The following RAP1A variants were observed in gnomAD, a reference collection of about 807,000 sequenced individuals.
RAP1A encodes the protein RAP1A, member of RAS oncogene family.
Under a neutral mutation model 26.4 loss-of-function variants are expected in RAP1A, and 6 were observed. The observed-to-expected ratio is 0.23, with a 90% CI of 0.12 to 0.45. RAP1A has a LOEUF of 0.45. Ranked by LOEUF, RAP1A falls within the 20% of genes least tolerant of loss-of-function variation. RAP1A has a pLI of 0.99. For synonymous variants in RAP1A, 73 were observed against 79.4 expected, an observed-to-expected ratio of 0.92 and a Z score of 0.43; for missense variants, 121 against 217.2, an observed-to-expected ratio of 0.56 and a Z score of 2.78.
At chr1:111,549,649 C>CAAAAA (rs370585012) in intron 1 of RAP1A, among the ~76,000 whole-genome samples, 1 of 94,448 alleles carries the variant, frequency 1.1e-5, no homozygotes, top group South Asian at 3.5e-4. Context: ...GACTCTGTTT[C>CAAAAA]AAAAAAAAAA....
At chr1:111,655,666 T>TTC (rs1660432601) in intron 1 of RAP1A, among the ~76,000 whole-genome samples, 1 of 104,322 alleles carries the variant, frequency 9.6e-6, no homozygotes, top group African/African-American at 3.0e-5. Flanking sequence ...GTCTTTTTTT[T>TTC]TTTTTTTTTT....
chr1:111,697,186 CAAAT>C (rs1265431104), intron 3 of RAP1A, among the ~76,000 whole-genome samples: 2 of 152,002 alleles, frequency 1.3e-5, no homozygotes, highest in Non-Finnish European at 2.9e-5. Context: ...TTTCTAATAA[CAAAT>C]AAGAATCGTT....
chr1:111,572,348 G>C (rs1001495063), intron 1 of RAP1A, among the ~76,000 whole-genome samples: 1 of 152,250 alleles, frequency 6.6e-6, no homozygotes, highest in Non-Finnish European at 1.5e-5. Context: ...GTGAATTGAA[G>C]CTGAGATTAA....
intron 1 of RAP1A, among the ~76,000 whole-genome samples, chr1:111,545,774 A>T (rs1657013258): frequency 6.6e-6 from 1 of 152,032 alleles, no homozygotes; most frequent in Admixed American, 6.5e-5. Context: ...TAGTTATTTG[A>T]TCGATTTTTA....
chr1:111,605,254 C>T (rs980410327), intron 1 of RAP1A, among the ~76,000 whole-genome samples: 1 of 152,230 alleles, frequency 6.6e-6, no homozygotes, highest in Admixed American at 6.5e-5. Flanking sequence ...CCGATTACCA[C>T]TTGCCAATGC....
Position 111,659,617 on chromosome 1 carries a change from T to G in RAP1A, c.-27-31717T>G, listed in dbSNP as rs1415805. 6.8e-3 allele frequency among the ~76,000 whole-genome samples: 1,033 copies of G among 152,232 alleles called. 13 individuals carry two copies. The highest frequency in any genetic ancestry group is 0.024 in the African/African-American group (983 of 41,534). On this transcript the variant is annotated intron_variant, in intron 1 of 7. Transcript: ENST00000369709. ...CCTATGCCATGCTGGACAGTCTCTT[T>G]TAATTGGTGTTGGATTAATATATAT...
At chr1:111,571,619 T>C (rs1034186663) in intron 1 of RAP1A, among the ~76,000 whole-genome samples, 3 of 152,230 alleles carry the variant, frequency 2.0e-5, no homozygotes, top group African/African-American at 7.2e-5. Context: ...TGTACCACAA[T>C]TGCACACAGA....
chr1:111,607,816 G>C (rs1658825530), intron 1 of RAP1A, among the ~76,000 whole-genome samples: 1 of 132,938 alleles, frequency 7.5e-6, no homozygotes, highest in Non-Finnish European at 1.6e-5. Context: ...CCGGGCGGGG[G>C]GCTGACCCCC....
chr1:111,611,161 TC>T (rs1658921284), intron 1 of RAP1A, among the ~76,000 whole-genome samples: 1 of 152,164 alleles, frequency 6.6e-6, no homozygotes, highest in Non-Finnish European at 1.5e-5. Context: ...TCTAAGAAAA[TC>T]CCATTCTAGA....
chr1:111,666,743 G>A (rs889284464), intron 1 of RAP1A, among the ~76,000 whole-genome samples: 2 of 152,170 alleles, frequency 1.3e-5, no homozygotes, highest in African/African-American at 2.4e-5. Flanking sequence ...AGGGGTCAGG[G>A]AAGCATATCT....
At chr1:111,662,899 G>A (rs929997655) in intron 1 of RAP1A, among the ~76,000 whole-genome samples, 2 of 151,684 alleles carry the variant, frequency 1.3e-5, no homozygotes, top group African/African-American at 4.8e-5. Flanking sequence ...TCCTGCAAAA[G>A]TCTCTTTGGT....
chr1:111,664,393 A>AC (rs1408835742), intron 1 of RAP1A, among the ~76,000 whole-genome samples: 1 of 150,302 alleles, frequency 6.7e-6, no homozygotes, highest in African/African-American at 2.4e-5. Context: ...AAAAAAAAAA[A>AC]AAAAACAAAA....
At chr1:111,601,788 T>TC (rs1284886366) in intron 1 of RAP1A, among the ~76,000 whole-genome samples, 1 of 152,092 alleles carries the variant, frequency 6.6e-6, no homozygotes, top group Non-Finnish European at 1.5e-5. Context: ...AATAATACCT[T>TC]CCTCATGGGA....
In RAP1A at chr1:111,581,850, T is replaced by A. The variant is rs555979174; in HGVS notation, c.-28+39341T>A. On this transcript the variant is annotated intron_variant, in intron 1 of 7. Transcript: ENST00000356415. The stretch of plus-strand genomic sequence containing the variant: ...AATTGACTTTTATTAAGTGTCCACT[T>A]TATATAAGCACTTAAAATATGCTTT... Among the ~76,000 whole-genome samples the A allele has an allele frequency of 1.4e-4, 22 of 152,344 alleles. No individual in the cohort carries two copies. The South Asian group carries it at 4.6e-3, about 32-fold the overall frequency.
chr1:111,671,000 G>A (rs1433868376), intron 1 of RAP1A, among the ~76,000 whole-genome samples: 1 of 152,188 alleles, frequency 6.6e-6, no homozygotes, highest in African/African-American at 2.4e-5. Context: ...CTCTGCTTCA[G>A]TTATACTTTA....
chr1:111,626,871 G>A (rs1659417077), intron 1 of RAP1A, among the ~76,000 whole-genome samples: 3 of 152,110 alleles, frequency 2.0e-5, no homozygotes, highest in Admixed American at 6.6e-5. Flanking sequence ...AGTGAGCCTT[G>A]TGCAGTTTCA....
intron 6 of RAP1A, among the ~76,000 whole-genome samples, chr1:111,708,808 A>G (rs1662281348): frequency 6.6e-6 from 1 of 152,050 alleles, no homozygotes; most frequent in African/African-American, 2.4e-5. Context: ...AAGTGGCAAA[A>G]TGTTACTAAT....
chr1:111,647,451 C>G (rs1251577974), intron 1 of RAP1A, among the ~76,000 whole-genome samples: 2 of 152,194 alleles, frequency 1.3e-5, no homozygotes, highest in African/African-American at 4.8e-5. Flanking sequence ...CTGAATCCAT[C>G]TCCCACGCCC....
At chr1:111,622,784 C>T (rs1185300002) in intron 1 of RAP1A, among the ~76,000 whole-genome samples, 1 of 152,202 alleles carries the variant, frequency 6.6e-6, no homozygotes, top group Non-Finnish European at 1.5e-5. Context: ...CATTTAACTA[C>T]AGGATGCTAA....
Sources: gnomAD v4.1 joint callset for allele counts (sites outside exome capture counted in the v4.1 genomes callset) on GRCh38, gnomAD v4.1.1 for gene constraint, MANE v1.5 for transcripts, NCBI Gene and HGNC (gene_info 2026-07-23, HGNC 2026-07-21) for gene names.